Variants in FAM168A observed in about 807,000 individuals in gnomAD.
The protein encoded by FAM168A is family with sequence similarity 168 member A, also known as protein FAM168A.
In FAM168A, 3 loss-of-function variants were observed where a neutral mutation model predicts 28.5. The observed-to-expected ratio is 0.11, with a 90% CI of 0.05 to 0.27. The LOEUF is 0.27. Among genes scored for constraint, FAM168A ranks in the 10% least tolerant of loss-of-function variants. The pLI, the probability that FAM168A is intolerant of heterozygous loss-of-function variation, is 1.00. For synonymous variants in FAM168A, 122 were observed against 124.2 expected, an observed-to-expected ratio of 0.98 and a Z score of 0.12; for missense variants, 222 against 311.5, an observed-to-expected ratio of 0.71 and a Z score of 2.16.
At chr11:73,407,436 C>G (rs1213417614) in intron 7 of FAM168A, 77 bp downstream of exon 7, 2 of 1,042,614 alleles carry the variant, frequency 1.9e-6, no homozygotes, top group Non-Finnish European at 2.7e-6. Context: ...CACCTGTGCT[C>G]CAGACCCAAA....
intron 3 of FAM168A, among the ~76,000 whole-genome samples, chr11:73,424,502 C>A (rs11235750): frequency 2.6e-4 from 40 of 152,028 alleles, no homozygotes; most frequent in Middle Eastern, 3.2e-3. Context: ...CTGCCCCCCC[C>A]ACCTCTCACC....
intron 2 of FAM168A, among the ~76,000 whole-genome samples, chr11:73,451,347 G>T (rs1428909563): frequency 2.0e-5 from 3 of 152,178 alleles, no homozygotes; most frequent in Non-Finnish European, 4.4e-5. Flanking sequence ...AGGTCAATTT[G>T]CCAGAGAGAT....
At chr11:73,479,495 T>C (rs1056212515) in intron 1 of FAM168A, among the ~76,000 whole-genome samples, 3 of 152,056 alleles carry the variant, frequency 2.0e-5, no homozygotes, top group African/African-American at 4.8e-5. Context: ...ATTCAGAAAA[T>C]ATCAAGTAAT....
chr11:73,519,523 C>A (rs972582609), intron 1 of FAM168A, among the ~76,000 whole-genome samples: 6 of 151,946 alleles, frequency 3.9e-5, no homozygotes, highest in Non-Finnish European at 7.4e-5. Context: ...TATAAAGAAG[C>A]AAAAAGAGAT....
At chr11:73,517,203 C>T (rs1305088969) in intron 1 of FAM168A, among the ~76,000 whole-genome samples, 1 of 152,066 alleles carries the variant, frequency 6.6e-6, no homozygotes, top group African/African-American at 2.4e-5. Context: ...GTGTGCATCA[C>T]CACACTCAGC....
chr11:73,442,838 C>CT (rs11365247), intron 2 of FAM168A, among the ~76,000 whole-genome samples: 1,890 of 127,420 alleles, frequency 0.015, 52 homozygotes, highest in African/African-American at 0.045. Flanking sequence ...TTCTTTCTTT[C>CT]TTTTTTTTTT....
intron 2 of FAM168A, among the ~76,000 whole-genome samples, chr11:73,464,727 G>A (rs1867706720): frequency 6.6e-6 from 1 of 152,138 alleles, no homozygotes; most frequent in Admixed American, 6.5e-5. Context: ...ATTCATTTAA[G>A]GGCTTCATCT....
chr11:73,430,835 C>CA (rs1177758601), intron 2 of FAM168A, 65 bp from the exon 3 acceptor site: 5 of 1,310,194 alleles, frequency 3.8e-6, no homozygotes, highest in East Asian at 2.4e-5. Flanking sequence ...CAAAACAAAA[C>CA]AAAAAAACAC....
intron 1 of FAM168A, among the ~76,000 whole-genome samples, chr11:73,555,032 T>C (rs897397148): frequency 1.3e-5 from 2 of 152,176 alleles, no homozygotes; most frequent in African/African-American, 4.8e-5. Flanking sequence ...GTAGCCTTTG[T>C]TGAAGATGAC....
chr11:73,585,267 G>A (rs1298208931), intron 1 of FAM168A, among the ~76,000 whole-genome samples: 1 of 152,180 alleles, frequency 6.6e-6, no homozygotes, highest in East Asian at 1.9e-4. Flanking sequence ...CATTTGTTAA[G>A]TAATTAATAT....
chr11:73,473,847 T>A (rs1291232499), intron 1 of FAM168A, among the ~76,000 whole-genome samples: 1 of 151,774 alleles, frequency 6.6e-6, no homozygotes, highest in Non-Finnish European at 1.5e-5. Flanking sequence ...GGAGTCTCGC[T>A]CTGTTGCCCA....
chr11:73,570,236 T>A (rs914619182), intron 1 of FAM168A, among the ~76,000 whole-genome samples: 1 of 152,312 alleles, frequency 6.6e-6, no homozygotes, highest in Non-Finnish European at 1.5e-5. Flanking sequence ...ACTTCCTTTC[T>A]CTGAGACTCA....
chr11:73,504,818 G>A lies in FAM168A; in HGVS notation c.-18-36326C>T, dbSNP rs542080147. On this transcript the variant is annotated intron_variant, in intron 1 of 7. Transcript: ENST00000356467. ...GTACATACATACCATGGAATACTACGCAGCCATAAAAAGAAATGAGATCAT... is the reference window on the plus strand; with the variant it reads ...GTACATACATACCATGGAATACTACACAGCCATAAAAAGAAATGAGATCAT... Among the ~76,000 whole-genome samples, 14 of 152,268 alleles carry A rather than the reference G, an allele frequency of 9.2e-5. No homozygotes were observed. The South Asian group carries it at 1.7e-3, about 18-fold the overall frequency.
intron 1 of FAM168A, among the ~76,000 whole-genome samples, chr11:73,479,002 G>A (rs1867930453): frequency 6.6e-6 from 1 of 152,172 alleles, no homozygotes; most frequent in Non-Finnish European, 1.5e-5. Flanking sequence ...GTGGCTATCT[G>A]ATTAGTTTTG....
At chr11:73,428,893 C>G in intron 3 of FAM168A, among the ~76,000 whole-genome samples, 1 of 152,162 alleles carries the variant, frequency 6.6e-6, no homozygotes, top group Non-Finnish European at 1.5e-5. Context: ...ACAGGGTCTT[C>G]CAAAGTATCT....
chr11:73,448,663 T>C (rs1239594080), intron 2 of FAM168A, among the ~76,000 whole-genome samples: 1 of 152,226 alleles, frequency 6.6e-6, no homozygotes, highest in Non-Finnish European at 1.5e-5. Context: ...AGAAGTCTGC[T>C]GGGGATATTT....
chr11:73,580,316 G>T, intron 1 of FAM168A: 1 of 572,108 alleles, frequency 1.7e-6, no homozygotes. Context: ...ATGAACCACA[G>T]AGAAGATCCA....
intron 1 of FAM168A, among the ~76,000 whole-genome samples, chr11:73,586,171 T>A (rs1270564549): frequency 6.6e-6 from 1 of 152,134 alleles, no homozygotes; most frequent in African/African-American, 2.4e-5. Flanking sequence ...AAAGCACTCA[T>A]AGGTTTTGGA....
intron 1 of FAM168A, among the ~76,000 whole-genome samples, chr11:73,530,279 G>C (rs1943500601): frequency 6.6e-6 from 1 of 152,188 alleles, no homozygotes; most frequent in Non-Finnish European, 1.5e-5. Context: ...TCATTGCCTT[G>C]CTCTGTGATA....
Sources: allele counts gnomAD v4.1 joint callset (sites outside exome capture counted in the v4.1 genomes callset), GRCh38; gene constraint gnomAD v4.1.1; transcripts MANE v1.5; gene names NCBI Gene and HGNC (gene_info 2026-07-23, HGNC 2026-07-21).